Variants in NFKB1 observed in about 807,000 individuals in gnomAD.
NFKB1 encodes nuclear factor kappa B subunit 1.
NFKB1 carries 9 observed loss-of-function variants against 105.1 expected under a neutral mutation model. The observed-to-expected ratio is 0.09, with a 90% CI of 0.05 to 0.15. NFKB1 has a LOEUF of 0.15. Ranked by LOEUF, NFKB1 falls within the 10% of genes least tolerant of loss-of-function variation. The pLI is 1.00. For missense variants in NFKB1, 830 were observed against 1,203.7 expected, an observed-to-expected ratio of 0.69 and a Z score of 4.59; for synonymous variants, 440 against 442.2, an observed-to-expected ratio of 1.00 and a Z score of 0.06.
chr4:102,579,962 A>G (rs2149186384), intron 8 of NFKB1, among the ~76,000 whole-genome samples: 1 of 151,952 alleles, frequency 6.6e-6, no homozygotes, highest in African/African-American at 2.4e-5. Flanking sequence ...CTTAAAATGC[A>G]GCTGTTGGAG....
intron 1 of NFKB1, among the ~76,000 whole-genome samples, chr4:102,518,886 A>G (rs1740379729): frequency 6.6e-6 from 1 of 152,216 alleles, no homozygotes; most frequent in African/African-American, 2.4e-5. Flanking sequence ...ACAATGTTCC[A>G]AGAAAGCAAG....
intron 19 of NFKB1, among the ~76,000 whole-genome samples, chr4:102,609,261 A>G (rs1227000842): frequency 1.3e-5 from 2 of 152,102 alleles, no homozygotes. Flanking sequence ...AGTTTCTCTG[A>G]TATATAAATG....
intron 23 of NFKB1, among the ~76,000 whole-genome samples, chr4:102,614,232 C>A (rs1408745044): frequency 1.3e-5 from 2 of 152,188 alleles, no homozygotes; most frequent in African/African-American, 4.8e-5. Context: ...CCCACATTGG[C>A]AGCCTTCCAT....
At chr4:102,552,030 G>A (rs535399247) in intron 5 of NFKB1, among the ~76,000 whole-genome samples, 9 of 152,284 alleles carry the variant, frequency 5.9e-5, no homozygotes, top group African/African-American at 2.2e-4. Flanking sequence ...TACGAAACAA[G>A]TAATTCCTCA....
intron 10 of NFKB1, 94 bp downstream of exon 10, chr4:102,583,051 C>A: frequency 2.6e-6 from 2 of 770,950 alleles, no homozygotes; most frequent in Non-Finnish European, 4.2e-6. Context: ...ACAATCACAG[C>A]TCACTGTATC....
rs148212199 is a variant in NFKB1, at chr4:102,612,466, C to T, written c.2452C>T (p.Leu818=). ...GAAACAGCTGGCTGAAGATGTGAAG[C>T]TGCAGCTGTATAAGTTACTAGAAAT... ...DMKQLAEDVK[L]QLYKLLEIPD... is the part of the protein sequence containing the mutation. Residue 818 remains leucine, a synonymous_variant, in exon 22 of 24, where the codon CTG becomes TTG. Transcript: ENST00000226574. 1 of 1,613,560 alleles carries T rather than the reference C, an allele frequency of 6.2e-7. No individual in the cohort carries two copies. The highest frequency in any genetic ancestry group is 1.3e-5 in the African/African-American group (1 of 75,020).
chr4:102,616,717 G>A lies in NFKB1; in HGVS notation c.*123G>A, dbSNP rs146956339. ...GAGCCGGCCCGCCTGAATCATTCTCGATTTAACTCGAGACCTTTTCAACTT... is the reference window on the plus strand; with the variant it reads ...GAGCCGGCCCGCCTGAATCATTCTCAATTTAACTCGAGACCTTTTCAACTT... On this transcript the variant is annotated 3_prime_UTR_variant, in exon 24 of 24. Coordinates refer to ENST00000226574, the MANE Select transcript of NFKB1 (RefSeq NM_003998.4). 15 of 979,152 alleles carry A rather than the reference G, an allele frequency of 1.5e-5. No individual in the cohort carries two copies. The highest frequency in any genetic ancestry group is 7.8e-5 in the East Asian group (3 of 38,600). 60.7% of individuals were successfully genotyped at this position (979,152 alleles called of 1,614,324 possible).
rs757618967 is a variant in NFKB1, at chr4:102,577,402, A to G, written c.571+363A>G. Among the ~76,000 whole-genome samples the G allele has an allele frequency of 1.3e-3, 202 of 152,270 alleles. 4 individuals are homozygous for G. Among genetic ancestry groups the G allele is most frequent in the Non-Finnish European group, 1.6e-4 (11 of 68,014 alleles). The stretch of plus-strand genomic sequence containing the variant: ...TTCCATTTCACCCTCTCGAAAACCA[A>G]TGCAGAAATCAAGACTTTGTCTAAA... On this transcript the variant is annotated intron_variant, in intron 7 of 23. Coordinates refer to ENST00000226574, the MANE Select transcript of NFKB1 (RefSeq NM_003998.4).
chr4:102,586,211 G>T (rs1326551557), intron 11 of NFKB1, among the ~76,000 whole-genome samples: 4 of 152,148 alleles, frequency 2.6e-5, no homozygotes, highest in Non-Finnish European at 5.9e-5. Flanking sequence ...CAGTGATACT[G>T]TGATACAGTG....
chr4:102,594,931 G>C lies in NFKB1; in HGVS notation c.1250G>C (p.Gly417Ala). The C allele has an allele frequency of 6.2e-7, 1 of 1,611,580 alleles. No individual in the cohort carries two copies. The highest frequency in any genetic ancestry group is 8.5e-7 in the Non-Finnish European group (1 of 1,178,408). The change falls in exon 13 of 24, where the codon GGG becomes GCG. Residue 417 changes from glycine to alanine, a missense_variant. Gly to Ala is a moderately conservative substitution (Grantham distance 60). Around this residue, in one of 8 missense-constraint regions of NFKB1, gnomAD observed 163 missense variants for 164.3 expected, o/e 0.99. Coordinates refer to ENST00000226574, the MANE Select transcript of NFKB1 (RefSeq NM_003998.4). ...CACTATGGATTTCCTACTTATGGTG[G>C]GATTACTTTCCATCCTGGAACTACT... ...FPHYGFPTYG[G>A]ITFHPGTTKS... is the part of the protein sequence containing the mutation.
chr4:102,537,338 G>T (rs1345528952), intron 4 of NFKB1, among the ~76,000 whole-genome samples: 1 of 152,172 alleles, frequency 6.6e-6, no homozygotes, highest in African/African-American at 2.4e-5. Flanking sequence ...CTTAACAGAT[G>T]CAGGGTCTAG....
chr4:102,604,890 T>C (rs1393110271), intron 16 of NFKB1, among the ~76,000 whole-genome samples: 1 of 152,028 alleles, frequency 6.6e-6, no homozygotes, highest in African/African-American at 2.4e-5. Flanking sequence ...GAAGGTATAA[T>C]TGTTTAAGAT....
chr4:102,530,805 A>G (rs576266811), intron 3 of NFKB1, among the ~76,000 whole-genome samples: 2 of 152,268 alleles, frequency 1.3e-5, no homozygotes, highest in African/African-American at 4.8e-5. Context: ...TTCTGCATTT[A>G]TATCTTTAGT....
chr4:102,578,705 A>G, intron 7 of NFKB1, 176 bp from the exon 8 acceptor site: 2 of 582,774 alleles, frequency 3.4e-6, no homozygotes, highest in Non-Finnish European at 5.7e-6. Flanking sequence ...GATGCCTTTC[A>G]TATTGGATGA....
At chr4:102,570,476 G>T (rs1724246594) in intron 6 of NFKB1, among the ~76,000 whole-genome samples, 1 of 152,056 alleles carries the variant, frequency 6.6e-6, no homozygotes, top group African/African-American at 2.4e-5. Flanking sequence ...AGGGAATTTA[G>T]GTTGATTCCA....
At chr4:102,597,419 G>A (rs1158761454) in intron 14 of NFKB1, 101 bp from the exon 15 acceptor site, 5 of 1,199,768 alleles carry the variant, frequency 4.2e-6, no homozygotes, top group Non-Finnish European at 4.6e-6. Flanking sequence ...GATATGTCAA[G>A]GTGTCAGAAC....
In NFKB1 at chr4:102,579,022, A is replaced by G; in HGVS notation, c.713A>G (p.Asp238Gly). ...AGGCGCCTGGAACCCGTGGTATCAG[A>G]CGCCATCTATGACAGTAGTGAGTAC... ...FTRRLEPVVS[D>G]AIYDSKAPNA... The change falls in exon 8 of 24, where the codon GAC becomes GGC. Residue 238 changes from aspartate to glycine, a missense_variant. This residue lies in a region of NFKB1 where 80 missense variants were observed against 122.6 expected (regional missense o/e 0.65). Coordinates refer to ENST00000226574, the MANE Select transcript of NFKB1 (RefSeq NM_003998.4). The G allele has an allele frequency of 1.2e-6, 2 of 1,614,050 alleles. No homozygotes were observed. Among genetic ancestry groups the G allele is most frequent in the Non-Finnish European group, 1.7e-6 (2 of 1,179,960 alleles).
intron 11 of NFKB1, among the ~76,000 whole-genome samples, chr4:102,591,059 C>T (rs1418068275): frequency 6.6e-6 from 1 of 152,112 alleles, no homozygotes; most frequent in Non-Finnish European, 1.5e-5. Context: ...GAGGTTGGTT[C>T]ATGAGGTTTA....
chr4:102,613,624 C>A, intron 23 of NFKB1, 43 bp downstream of exon 23: 1 of 1,586,736 alleles, frequency 6.3e-7, no homozygotes. Flanking sequence ...TTTCCAGCTC[C>A]CCCAGGCTGG....
Sources: allele counts gnomAD v4.1 joint callset (sites outside exome capture counted in the v4.1 genomes callset), GRCh38; gene constraint gnomAD v4.1.1; regional missense constraint gnomAD v4.1.1; transcripts MANE v1.5; gene names NCBI Gene and HGNC (gene_info 2026-07-23, HGNC 2026-07-21).